Variants in ZKSCAN1 observed in about 807,000 individuals in gnomAD.
ZKSCAN1 encodes the protein zinc finger protein with KRAB and SCAN domains 1.
A neutral mutation model predicts 51.6 loss-of-function variants in ZKSCAN1; 14 were observed. The observed-to-expected ratio is 0.27, with a 90% CI of 0.18 to 0.42. The LOEUF (loss-of-function observed/expected upper bound fraction) is 0.42. ZKSCAN1 is among the 10% of genes least tolerant of loss of function. ZKSCAN1 has a pLI of 1.00. For synonymous variants in ZKSCAN1, 263 were observed against 261.5 expected (o/e 1.01, Z -0.06); for missense variants, 531 against 710.0 (o/e 0.75, Z 2.86).
chr7:100,032,064 A>G (rs776326824), intron 5 of ZKSCAN1, among the ~76,000 whole-genome samples: 18 of 152,168 alleles, frequency 1.2e-4, no homozygotes, highest in Non-Finnish European at 2.5e-4. Context: ...GGCTGACAGA[A>G]CAAGACCCTG....
In ZKSCAN1 at chr7:100,041,155, C is replaced by G. The variant is rs1791577747; in HGVS notation, c.*6958C>G. On this transcript the variant is annotated 3_prime_UTR_variant, in exon 6 of 6. Coordinates refer to ENST00000324306, the MANE Select transcript of ZKSCAN1 (RefSeq NM_003439.4). The stretch of plus-strand genomic sequence containing the variant: ...GTAGACTGGATTAAAAACAACCTGT[C>G]CTGTTTTGTCAGTTCCCAGCTTCTT... 1 of 736,982 alleles carries G rather than the reference C, an allele frequency of 1.4e-6. No individual in the cohort carries two copies. Among genetic ancestry groups the G allele is most frequent in the Admixed American group, 6.3e-5 (1 of 15,940 alleles). 45.7% of individuals were successfully genotyped at this position (736,982 alleles called of 1,614,324 possible). A position where few individuals can be genotyped will look rare whatever the true frequency, so the allele number is the denominator to read the frequency against.
chr7:100,030,579 TA>T (rs1184419295), intron 5 of ZKSCAN1, among the ~76,000 whole-genome samples: 1 of 152,204 alleles, frequency 6.6e-6, no homozygotes. Flanking sequence ...GTGGGTTTTT[TA>T]TTGCTAAGTA....
In ZKSCAN1 at chr7:100,033,903, C is replaced by T. The variant is rs1242552646; in HGVS notation, c.1398C>T (p.Cys466=). 5 of 1,614,136 alleles carry T rather than the reference C, an allele frequency of 3.1e-6. No homozygotes were observed. The East Asian group carries it at 6.7e-5, about 22-fold the overall frequency. The change falls in exon 6 of 6, where the codon TGC becomes TGT. Residue 466 remains cysteine, a synonymous_variant. Coordinates refer to ENST00000324306, the MANE Select transcript of ZKSCAN1 (RefSeq NM_003439.4). This position sits in a 1 kb window ranked among gnomAD's most constrained non-coding sequence, Gnocchi z 4.1. ...AGAAACCTTATGAATGTAATGAGTG[C>T]GGGAAGGCCTTCAGCCAGAGCTCGG... is the stretch of plus-strand genomic sequence containing the variant. ...SGEKPYECNE[C]GKAFSQSSDL...
chr7:100,037,861 C>T lies in ZKSCAN1; in HGVS notation c.*3664C>T. 2 of 673,662 alleles carry T rather than the reference C, an allele frequency of 3.0e-6. No individual in the cohort carries two copies. Among genetic ancestry groups the T allele is most frequent in the Non-Finnish European group, 3.7e-6 (2 of 546,526 alleles). The allele number at this position is 673,662 out of a possible 1,614,324, so 41.7% of individuals were successfully genotyped here. On this transcript the variant is annotated 3_prime_UTR_variant, in exon 6 of 6. Coordinates refer to ENST00000324306, the MANE Select transcript of ZKSCAN1 (RefSeq NM_003439.4). ...TGAAACCTTGTCTCTACTAAAAATA[C>T]AAAAAAAAATTAGCTGGGCACAGTG...
chr7:100,031,990 G>A (rs1791126640), intron 5 of ZKSCAN1, among the ~76,000 whole-genome samples: 1 of 152,140 alleles, frequency 6.6e-6, no homozygotes, highest in Admixed American at 6.5e-5. Flanking sequence ...GAGGCAGGAG[G>A]ATCACTTGAG....
rs770711070 is a variant in ZKSCAN1 at position 100,041,341 on chromosome 7, G to A, written c.*7144G>A. The A allele has an allele frequency of 2.0e-6, 2 of 984,828 alleles. No homozygotes were observed. Among genetic ancestry groups the A allele is most frequent in the African/African-American group, 3.5e-5 (2 of 57,290 alleles). The allele number at this position is 984,828 out of a possible 1,614,324, so 61.0% of individuals were successfully genotyped here. A position where few individuals can be genotyped will look rare whatever the true frequency, so the allele number is the denominator to read the frequency against. On this transcript the variant is annotated 3_prime_UTR_variant, in exon 6 of 6. Coordinates refer to ENST00000324306, the MANE Select transcript of ZKSCAN1 (RefSeq NM_003439.4). Reference sequence around the variant, plus strand: ...TACGTGATTTTTTTTTTAATTGAATGTGTTCATTTAAAATCCTCCTTAACA... The same window carrying A: ...TACGTGATTTTTTTTTTAATTGAATATGTTCATTTAAAATCCTCCTTAACA...
Position 100,040,583 on chromosome 7 carries a change from A to G in ZKSCAN1, c.*6386A>G. The G allele has an allele frequency of 1.0e-6, 1 of 985,468 alleles. No homozygotes were observed. Among genetic ancestry groups the G allele is most frequent in the Non-Finnish European group, 1.2e-6 (1 of 829,956 alleles). The allele number at this position is 985,468 out of a possible 1,614,324, so 61.0% of individuals were successfully genotyped here. Reference sequence around the variant, plus strand: ...GTTCCTTTGGTCCAGGGAAGGGTCCAAGCAGCCACAGTTGCCCTAAATCTC... The same window carrying G: ...GTTCCTTTGGTCCAGGGAAGGGTCCGAGCAGCCACAGTTGCCCTAAATCTC... On this transcript the variant is annotated 3_prime_UTR_variant, in exon 6 of 6. Coordinates refer to ENST00000324306, the MANE Select transcript of ZKSCAN1 (RefSeq NM_003439.4).
downstream of ZKSCAN1, among the ~76,000 whole-genome samples, chr7:100,042,884 G>T (rs1275431305): frequency 1.4e-5 from 2 of 147,362 alleles, no homozygotes; most frequent in African/African-American, 5.0e-5. Context: ...TGCAAGCTCC[G>T]CCTCCCGGGT....
In ZKSCAN1 at chr7:100,034,699, C is replaced by T. The variant is rs181958548; in HGVS notation, c.*502C>T. 2.9e-5 allele frequency: 10 copies of T among 346,912 alleles called. No homozygotes were observed. The South Asian group carries it at 3.4e-4, about 12-fold the overall frequency. 21.5% of individuals were successfully genotyped at this position (346,912 alleles called of 1,614,324 possible). A position where few individuals can be genotyped will look rare whatever the true frequency, so the allele number is the denominator to read the frequency against. On this transcript the variant is annotated 3_prime_UTR_variant, in exon 6 of 6. Coordinates refer to ENST00000324306, the MANE Select transcript of ZKSCAN1 (RefSeq NM_003439.4). The stretch of plus-strand genomic sequence containing the variant: ...ATGCTGCTCAAGGTAGTTATATATA[C>T]GATAAGTTGTATATATGATCACTGG...
At chr7:100,026,484 T>A (rs564608857) in intron 3 of ZKSCAN1, among the ~76,000 whole-genome samples, 1 of 152,272 alleles carries the variant, frequency 6.6e-6, no homozygotes, top group East Asian at 1.9e-4. Flanking sequence ...TCCCAGCACT[T>A]CGGGAGTCCA....
At chr7:100,022,870 CCTG>C (rs1790648672) in intron 1 of ZKSCAN1, among the ~76,000 whole-genome samples, 1 of 152,188 alleles carries the variant, frequency 6.6e-6, no homozygotes, top group Admixed American at 6.5e-5. Flanking sequence ...CATTTCGTAA[CCTG>C]CTGTCAACCT....
In ZKSCAN1 at chr7:100,033,321, T is replaced by C. The variant is rs149485639; in HGVS notation, c.816T>C (p.Asn272=). ...TTATGTCAGGTGGTGAAAACAGGAA[T>C]GAGAACGAGGAGTCAACCTCAAAGG... ...SAFPQGGENR[N]ENEESTSKAE... is the part of the protein sequence containing the mutation. The change falls in exon 6 of 6, where the codon AAT becomes AAC. Residue 272 remains asparagine (N), a synonymous_variant. Transcript: ENST00000324306. The surrounding 1 kb of genome is among the most constrained non-coding windows in gnomAD (Gnocchi z 4.1). 1,100 of 1,602,116 alleles carry C rather than the reference T, an allele frequency of 6.9e-4. 4 individuals are homozygous for C. The highest frequency in any genetic ancestry group is 2.1e-3 in the South Asian group (185 of 88,354).
Position 100,040,704 on chromosome 7 carries a change from T to C in ZKSCAN1, c.*6507T>C. ...CACACTCCAGGCTGAGAAAGAGTAA[T>C]TAGGAGGCCTGAGGAGGGGCCGAGG... On this transcript the variant is annotated 3_prime_UTR_variant, in exon 6 of 6. Coordinates refer to ENST00000324306, the MANE Select transcript of ZKSCAN1 (RefSeq NM_003439.4). 4 of 985,346 alleles carry C rather than the reference T, an allele frequency of 4.1e-6. No individual in the cohort carries two copies. Among genetic ancestry groups the C allele is most frequent in the Non-Finnish European group, 4.8e-6 (4 of 829,954 alleles). 61.0% of individuals were successfully genotyped at this position (985,346 alleles called of 1,614,324 possible).
chr7:100,026,491 T>C (rs1790842999), intron 3 of ZKSCAN1, among the ~76,000 whole-genome samples: 1 of 151,768 alleles, frequency 6.6e-6, no homozygotes. Context: ...ACTTCGGGAG[T>C]CCAAGGTGGG....
In ZKSCAN1 at chr7:100,039,230, TA is replaced by T; in HGVS notation, c.*5036del. 2.5e-6 allele frequency: 2 copies of T among 794,910 alleles called. No individual in the cohort carries two copies. Among genetic ancestry groups the T allele is most frequent in the Non-Finnish European group, 3.0e-6 (2 of 657,322 alleles). 49.2% of individuals were successfully genotyped at this position (794,910 alleles called of 1,614,324 possible). A position where few individuals can be genotyped will look rare whatever the true frequency, so the allele number is the denominator to read the frequency against. ...AGGAGGCTGAGGCAGGAGAATCACC[TA>T]AATCTGGGAGGCAGAGGTTGCAGTG... On this transcript the variant is annotated 3_prime_UTR_variant, in exon 6 of 6. Coordinates refer to ENST00000324306, the MANE Select transcript of ZKSCAN1 (RefSeq NM_003439.4).
At position 100,033,007 on chromosome 7, in the gene ZKSCAN1, CA is replaced by C. The variant is rs751028310; in HGVS notation, c.800-284del. Among the ~76,000 whole-genome samples, 296 of 132,162 alleles carry C rather than the reference CA, an allele frequency of 2.2e-3. No homozygotes were observed. The highest frequency in any genetic ancestry group is 3.5e-3 in the Admixed American group (47 of 13,304). The allele number at this position is 132,162 out of a possible 152,430, so 86.7% of individuals were successfully genotyped here. A position where few individuals can be genotyped will look rare whatever the true frequency, so the allele number is the denominator to read the frequency against. ...TGGGTAACAGAGCAAGACTCCATCT[CA>C]AAAAAAAAAAAAAGTTACCCGGGCG... On this transcript the variant is annotated intron_variant, in intron 5 of 5. Transcript: ENST00000324306. The surrounding 1 kb of genome is among the most constrained non-coding windows in gnomAD (Gnocchi z 4.1).
chr7:100,028,182 G>A lies in ZKSCAN1; in HGVS notation c.581-1679G>A, dbSNP rs138425832. 4.0e-3 allele frequency among the ~76,000 whole-genome samples: 609 copies of A among 151,992 alleles called. 2 individuals are homozygous for A. Among genetic ancestry groups the A allele is most frequent in the African/African-American group, 0.014 (572 of 41,470 alleles). On this transcript the variant is annotated intron_variant, in intron 3 of 5. Coordinates refer to ENST00000324306, the MANE Select transcript of ZKSCAN1 (RefSeq NM_003439.4). ...ATCCTGGCCAACATGGTGAAACCCC[G>A]TCTCTACTAAAAATACAAAAACTAG...
chr7:100,039,890 C>T lies in ZKSCAN1; in HGVS notation c.*5693C>T. The T allele has an allele frequency of 1.0e-6, 1 of 983,062 alleles. No individual in the cohort carries two copies. The highest frequency in any genetic ancestry group is 1.2e-6 in the Non-Finnish European group (1 of 828,224). The allele number at this position is 983,062 out of a possible 1,614,324, so 60.9% of individuals were successfully genotyped here. A position where few individuals can be genotyped will look rare whatever the true frequency, so the allele number is the denominator to read the frequency against. On this transcript the variant is annotated 3_prime_UTR_variant, in exon 6 of 6. Coordinates refer to ENST00000324306, the MANE Select transcript of ZKSCAN1 (RefSeq NM_003439.4). ...AGAAAAGTCAGTGATATAAATAGAT[C>T]ATTTCATAGAAATTAGGGTAGATTT...
At position 100,037,739 on chromosome 7, in the gene ZKSCAN1, C is replaced by A. The variant is rs934978063; in HGVS notation, c.*3542C>A. ...TTGCAAGAGGGAGCTCAATCTTGGC[C>A]GGGCGCCGTGGCTCACGCCTGTAAT... On this transcript the variant is annotated 3_prime_UTR_variant, in exon 6 of 6. Coordinates refer to ENST00000324306, the MANE Select transcript of ZKSCAN1 (RefSeq NM_003439.4). The A allele has an allele frequency of 1.4e-4, 137 of 985,138 alleles. No individual in the cohort carries two copies. The highest frequency in any genetic ancestry group is 2.5e-4 in the Admixed American group (4 of 16,254). The allele number at this position is 985,138 out of a possible 1,614,324, so 61.0% of individuals were successfully genotyped here.
Sources: allele counts gnomAD v4.1 joint callset (sites outside exome capture counted in the v4.1 genomes callset), GRCh38; gene constraint gnomAD v4.1.1; non-coding constraint Gnocchi (gnomAD v3.1); transcripts MANE v1.5; gene names NCBI Gene and HGNC (gene_info 2026-07-23, HGNC 2026-07-21).